The following ETV6 variants were observed in gnomAD, a reference collection of about 807,000 sequenced individuals.
ETV6 encodes the protein ETS variant transcription factor 6.
In ETV6, 16 loss-of-function variants were observed where a neutral mutation model predicts 51.1. The ratio of observed to expected loss-of-function variants is 0.31; its 90% CI spans 0.21 to 0.48. The LOEUF is 0.48. Ranked by LOEUF, ETV6 falls within the 20% of genes least tolerant of loss-of-function variation. The probability of loss-of-function intolerance (pLI) is 0.99; values close to 1 mark genes in which losing one functional copy is unlikely to be tolerated. For synonymous variants in ETV6, 240 were observed against 224.1 expected (o/e 1.07, Z -0.64); for missense variants, 458 against 594.8 (o/e 0.77, Z 2.39).
chr12:11,883,984 A>G (rs534151005), intron 5 of ETV6, among the ~76,000 whole-genome samples: 117 of 152,110 alleles, frequency 7.7e-4, no homozygotes, highest in Admixed American at 1.3e-3. Context: ...TCTCCCACCA[A>G]CACCAGGATA....
At chr12:11,658,255 A>G (rs1313556115) in intron 1 of ETV6, among the ~76,000 whole-genome samples, 2 of 152,112 alleles carry the variant, frequency 1.3e-5, no homozygotes, top group Non-Finnish European at 2.9e-5. Flanking sequence ...TTTGTTTTTG[A>G]GACAGAGTCT....
At chr12:11,844,656 C>T (rs1352059839) in intron 3 of ETV6, among the ~76,000 whole-genome samples, 4 of 150,992 alleles carry the variant, frequency 2.6e-5, no homozygotes, top group Non-Finnish European at 5.9e-5. Context: ...ATATAGGTCA[C>T]AGAAGGGAAA....
At chr12:11,734,529 GA>G (rs369367648) in intron 1 of ETV6, among the ~76,000 whole-genome samples, 10,586 of 126,184 alleles carry the variant, frequency 0.084, 962 homozygotes, top group African/African-American at 0.25. Flanking sequence ...AAAAAAAAAA[GA>G]AAAAAAAAAA....
intron 1 of ETV6, among the ~76,000 whole-genome samples, chr12:11,671,426 AG>A (rs1290986685): frequency 6.6e-6 from 1 of 152,204 alleles, no homozygotes; most frequent in Non-Finnish European, 1.5e-5. Flanking sequence ...GTAGATCAGT[AG>A]GGTGACTATA....
chr12:11,729,995 A>C (rs1266711219), intron 1 of ETV6, among the ~76,000 whole-genome samples: 2 of 152,190 alleles, frequency 1.3e-5, no homozygotes, highest in Non-Finnish European at 2.9e-5. Context: ...AGGGGAGTTC[A>C]TGACCATCTA....
intron 2 of ETV6, among the ~76,000 whole-genome samples, chr12:11,803,248 A>G (rs1945777812): frequency 6.6e-6 from 1 of 152,226 alleles, no homozygotes; most frequent in Non-Finnish European, 1.5e-5. Flanking sequence ...TTGAGATTAT[A>G]TTCCTGGTCC....
intron 1 of ETV6, among the ~76,000 whole-genome samples, chr12:11,746,043 C>A (rs1455341018): frequency 6.6e-6 from 1 of 152,136 alleles, no homozygotes; most frequent in East Asian, 1.9e-4. Flanking sequence ...ATGCATTTAC[C>A]CCTCAGTCTG....
chr12:11,716,307 G>T (rs1205700761), intron 1 of ETV6, among the ~76,000 whole-genome samples: 2 of 130,036 alleles, frequency 1.5e-5, no homozygotes, highest in Non-Finnish European at 1.6e-5. Flanking sequence ...CTCCAGCCTG[G>T]GCGACAGAGC....
chr12:11,841,820 C>T (rs1363883350), intron 3 of ETV6, among the ~76,000 whole-genome samples: 1 of 152,098 alleles, frequency 6.6e-6, no homozygotes, highest in African/African-American at 2.4e-5. Flanking sequence ...CGGTGGCTCA[C>T]GCCTGTAATC....
intron 1 of ETV6, among the ~76,000 whole-genome samples, chr12:11,660,612 A>T (rs1321407471): frequency 6.6e-6 from 1 of 151,132 alleles, no homozygotes; most frequent in Admixed American, 6.6e-5. Context: ...AAAAAAAAAA[A>T]AAAAGGGAGA....
At chr12:11,682,059 A>T (rs1175230078) in intron 1 of ETV6, among the ~76,000 whole-genome samples, 1 of 152,218 alleles carries the variant, frequency 6.6e-6, no homozygotes, top group Non-Finnish European at 1.5e-5. Flanking sequence ...TAGTAGAATG[A>T]TTTATTACCC....
chr12:11,725,527 T>A (rs1211627363), intron 1 of ETV6, among the ~76,000 whole-genome samples: 1 of 152,212 alleles, frequency 6.6e-6, no homozygotes, highest in African/African-American at 2.4e-5. Flanking sequence ...CTTTTTCTTT[T>A]CCCATAGGAT....
intron 5 of ETV6, among the ~76,000 whole-genome samples, chr12:11,881,439 G>C (rs531116292): frequency 6.6e-6 from 1 of 152,206 alleles, no homozygotes; most frequent in Non-Finnish European, 1.5e-5. Flanking sequence ...TAGTTGGTAC[G>C]CAATAGATAC....
At chr12:11,680,714 C>G (rs1288216378) in intron 1 of ETV6, among the ~76,000 whole-genome samples, 1 of 152,200 alleles carries the variant, frequency 6.6e-6, no homozygotes, top group African/African-American at 2.4e-5. Context: ...CGTTGGTGAT[C>G]TACTTCTACA....
intron 1 of ETV6, among the ~76,000 whole-genome samples, chr12:11,658,801 A>G (rs1442059876): frequency 1.3e-5 from 2 of 152,264 alleles, no homozygotes; most frequent in Non-Finnish European, 1.5e-5. Flanking sequence ...TGCATCTTAC[A>G]GCAGAATTTT....
chr12:11,783,521 CG>C (rs900066149), intron 2 of ETV6, among the ~76,000 whole-genome samples: 3 of 151,896 alleles, frequency 2.0e-5, no homozygotes, highest in African/African-American at 7.3e-5. Context: ...AAGGCAACAG[CG>C]GGTGAAGGGA....
At chr12:11,670,616 G>A (rs571403217) in intron 1 of ETV6, among the ~76,000 whole-genome samples, 2 of 152,258 alleles carry the variant, frequency 1.3e-5, no homozygotes, top group African/African-American at 4.8e-5. Flanking sequence ...CCACCATAGG[G>A]CAGCAGCATT....
intron 1 of ETV6, among the ~76,000 whole-genome samples, chr12:11,657,341 G>GA (rs1864018413): frequency 2.0e-5 from 3 of 152,108 alleles, no homozygotes; most frequent in Admixed American, 2.0e-4. Context: ...GGAAAAATGA[G>GA]AAAAAACAGG....
At chr12:11,812,616 C>T (rs1239661783) in intron 2 of ETV6, among the ~76,000 whole-genome samples, 3 of 152,062 alleles carry the variant, frequency 2.0e-5, no homozygotes, top group Non-Finnish European at 4.4e-5. Flanking sequence ...AGGATCTTAC[C>T]AGAGGCGGGT....
Sources: gnomAD v4.1 joint callset for allele counts (sites outside exome capture counted in the v4.1 genomes callset) on GRCh38, gnomAD v4.1.1 for gene constraint, MANE v1.5 for transcripts, NCBI Gene and HGNC (gene_info 2026-07-23, HGNC 2026-07-21) for gene names.